The following DNAH7 variants were observed in gnomAD, a reference collection of about 807,000 sequenced individuals.
DNAH7 encodes the protein dynein axonemal heavy chain 7.
Under a neutral mutation model 444.6 loss-of-function variants are expected in DNAH7, and 397 were observed. That is an observed-to-expected ratio of 0.89 (90% CI 0.82 to 0.97). DNAH7 has a LOEUF of 0.97. Ranked by LOEUF, DNAH7 falls within the 50% of genes least tolerant of loss-of-function variation. DNAH7 has a pLI of 0.00. For synonymous variants in DNAH7, 1,636 were observed against 1,624.4 expected, an observed-to-expected ratio of 1.01 and a Z score of -0.17; for missense variants, 4,902 against 4,800.8, an observed-to-expected ratio of 1.02 and a Z score of -0.62.
intron 51 of DNAH7, among the ~76,000 whole-genome samples, chr2:195,814,673 T>G (rs1026956251): frequency 1.3e-5 from 2 of 152,184 alleles, no homozygotes; most frequent in African/African-American, 4.8e-5. Context: ...AGACCAGTAG[T>G]GAAAAGCAGA....
intron 46 of DNAH7, among the ~76,000 whole-genome samples, chr2:195,849,747 A>G (rs1699235451): frequency 6.6e-6 from 1 of 151,970 alleles, no homozygotes; most frequent in South Asian, 2.1e-4. Flanking sequence ...GACTACAGGC[A>G]CACACCACCA....
chr2:196,044,512 G>C (rs539554871), intron 5 of DNAH7, among the ~76,000 whole-genome samples: 34 of 152,018 alleles, frequency 2.2e-4, no homozygotes, highest in African/African-American at 7.7e-4. Flanking sequence ...TAGATGATGA[G>C]TGCACCAAAA....
intron 19 of DNAH7, among the ~76,000 whole-genome samples, chr2:195,937,021 C>T (rs920238081): frequency 2.2e-4 from 33 of 152,154 alleles, no homozygotes; most frequent in African/African-American, 7.7e-4. Flanking sequence ...TAACGATTCT[C>T]ATTCTAAGTT....
chr2:195,743,679 T>C (rs1693191699), intron 63 of DNAH7, among the ~76,000 whole-genome samples: 1 of 152,194 alleles, frequency 6.6e-6, no homozygotes, highest in African/African-American at 2.4e-5. Flanking sequence ...GAAAAACCCA[T>C]TTATCTAAAT....
chr2:195,995,403 G>T, intron 12 of DNAH7: 1 of 479,734 alleles, frequency 2.1e-6, no homozygotes, highest in Non-Finnish European at 4.1e-6. Context: ...ATCATATGGC[G>T]TTTTTCTGAG....
intron 2 of DNAH7, among the ~76,000 whole-genome samples, chr2:196,054,113 A>T (rs751577071): frequency 3.3e-5 from 5 of 152,228 alleles, no homozygotes; most frequent in Non-Finnish European, 7.3e-5. Flanking sequence ...GTTCCAAAAT[A>T]TCTCCCTGTT....
intron 24 of DNAH7, among the ~76,000 whole-genome samples, chr2:195,919,755 C>A (rs1485638698): frequency 6.6e-6 from 1 of 152,108 alleles, no homozygotes; most frequent in East Asian, 1.9e-4. Context: ...GAATTGAGGA[C>A]AAAACTAGGT....
chr2:195,861,141 C>T (rs893613808), intron 42 of DNAH7, among the ~76,000 whole-genome samples: 11 of 152,134 alleles, frequency 7.2e-5, no homozygotes, highest in Admixed American at 4.6e-4. Context: ...AAACTTCCTA[C>T]TTTCTACCTT....
chr2:195,834,461 T>C, intron 47 of DNAH7, 101 bp from the exon 48 acceptor site: 2 of 1,274,166 alleles, frequency 1.6e-6, no homozygotes, highest in South Asian at 4.2e-5. Flanking sequence ...GTTTGCCCTT[T>C]ATTGTAATAT....
At position 195,895,194 on chromosome 2, in the gene DNAH7, T is replaced by C; in HGVS notation, c.4678A>G (p.Lys1560Glu). The change falls in exon 30 of 65, where the codon AAA becomes GAA. Residue 1560 changes from lysine (K) to glutamate (E), a missense_variant. Transcript: ENST00000312428. Reference protein sequence around the residue: ...GITSDLFPGVKLPKPDYNDLL... With the variant: ...GITSDLFPGVELPKPDYNDLL... ...TCATTGTAATCTGGTTTTGGTAATTTTACCCCAGGAAACAAATCCGAAGTA... is the reference window on the plus strand; with the variant it reads ...TCATTGTAATCTGGTTTTGGTAATTCTACCCCAGGAAACAAATCCGAAGTA... The C allele has an allele frequency of 6.2e-7, 1 of 1,610,168 alleles. No homozygotes were observed.
At chr2:195,877,646 T>C (rs994352273) in intron 36 of DNAH7, among the ~76,000 whole-genome samples, 8 of 152,210 alleles carry the variant, frequency 5.3e-5, no homozygotes, top group Non-Finnish European at 8.8e-5. Flanking sequence ...AAAGGACTTA[T>C]GATGTTCTCA....
chr2:196,003,390 G>A (rs758094013), intron 10 of DNAH7, among the ~76,000 whole-genome samples: 11 of 152,056 alleles, frequency 7.2e-5, no homozygotes, highest in Non-Finnish European at 1.3e-4. Context: ...GGACAAATAC[G>A]ATGTATTTTA....
intron 5 of DNAH7, among the ~76,000 whole-genome samples, chr2:196,039,320 T>C (rs769679770): frequency 1.3e-5 from 2 of 151,974 alleles, no homozygotes; most frequent in African/African-American, 2.4e-5. Flanking sequence ...AATGAAAACA[T>C]AGTATACTAA....
intron 19 of DNAH7, among the ~76,000 whole-genome samples, chr2:195,951,623 T>C (rs1434647005): frequency 2.0e-5 from 3 of 152,190 alleles, no homozygotes; most frequent in African/African-American, 7.2e-5. Flanking sequence ...GGTGCTCCTA[T>C]GTTGGGTGCA....
At chr2:195,852,213 G>A (rs1387020202) in intron 46 of DNAH7, among the ~76,000 whole-genome samples, 4 of 152,002 alleles carry the variant, frequency 2.6e-5, no homozygotes, top group African/African-American at 7.3e-5. Flanking sequence ...AGCCGAGATC[G>A]CACCACTGCA....
intron 46 of DNAH7, among the ~76,000 whole-genome samples, chr2:195,852,150 T>C (rs1050518162): frequency 3.3e-5 from 5 of 151,810 alleles, no homozygotes; most frequent in South Asian, 2.1e-4. Context: ...CCCAGCTACT[T>C]GGGAGGCTGA....
chr2:195,839,810 T>C (rs548572666), intron 47 of DNAH7, among the ~76,000 whole-genome samples: 1 of 151,828 alleles, frequency 6.6e-6, no homozygotes, highest in South Asian at 2.1e-4. Context: ...CAAAACTCAC[T>C]TAGGAAGAAA....
chr2:195,970,520 T>G (rs1691772480), intron 16 of DNAH7, among the ~76,000 whole-genome samples: 1 of 152,176 alleles, frequency 6.6e-6, no homozygotes, highest in African/African-American at 2.4e-5. Context: ...CGGAATTTCT[T>G]TAATTGTACT....
chr2:196,005,108 A>C (rs1575000440), intron 10 of DNAH7, among the ~76,000 whole-genome samples: 1 of 151,788 alleles, frequency 6.6e-6, no homozygotes, highest in East Asian at 1.9e-4. Flanking sequence ...GTTTCTACTA[A>C]AAATACAAAA....
Sources: gnomAD v4.1 joint callset for allele counts (sites outside exome capture counted in the v4.1 genomes callset) on GRCh38, gnomAD v4.1.1 for gene constraint, MANE v1.5 for transcripts, NCBI Gene and HGNC (gene_info 2026-07-23, HGNC 2026-07-21) for gene names.